The following DPP10 variants were observed in gnomAD, a reference collection of about 807,000 sequenced individuals.
DPP10 encodes inactive dipeptidyl peptidase 10.
DPP10 carries 33 observed loss-of-function variants against 120.9 expected under a neutral mutation model. The ratio of observed to expected loss-of-function variants is 0.27; its 90% CI spans 0.21 to 0.37. The LOEUF is 0.37. Among genes scored for constraint, DPP10 ranks in the 10% least tolerant of loss-of-function variants. The pLI is 1.00. For synonymous variants in DPP10, 337 were observed against 326.1 expected (o/e 1.03, Z -0.36); for missense variants, 816 against 942.8 (o/e 0.87, Z 1.76).
intron 8 of DPP10, among the ~76,000 whole-genome samples, chr2:115,730,420 A>C (rs1439901100): frequency 6.6e-6 from 1 of 152,150 alleles, no homozygotes; most frequent in Non-Finnish European, 1.5e-5. Context: ...AGTGGGTTTC[A>C]GGGAAGAGAA....
intron 21 of DPP10, among the ~76,000 whole-genome samples, chr2:115,817,358 C>G (rs1344621347): frequency 6.6e-6 from 1 of 152,152 alleles, no homozygotes; most frequent in Non-Finnish European, 1.5e-5. Context: ...ATATTTTCTA[C>G]TATTCATAAG....
At chr2:114,645,640 T>C (rs1185257343) in intron 1 of DPP10, among the ~76,000 whole-genome samples, 1 of 152,178 alleles carries the variant, frequency 6.6e-6, no homozygotes, top group Non-Finnish European at 1.5e-5. Flanking sequence ...GTCTACAGCA[T>C]GAGGAATTGA....
chr2:114,571,531 G>A (rs1356077014), intron 1 of DPP10, among the ~76,000 whole-genome samples: 1 of 151,956 alleles, frequency 6.6e-6, no homozygotes, highest in Non-Finnish European at 1.5e-5. Flanking sequence ...TTTAACATAC[G>A]TGTAATGCCA....
At chr2:115,315,307 G>A (rs1050202059) in intron 2 of DPP10, among the ~76,000 whole-genome samples, 1 of 151,362 alleles carries the variant, frequency 6.6e-6, no homozygotes, top group African/African-American at 2.4e-5. Flanking sequence ...ACATCTATAT[G>A]TAAAACTCAT....
At chr2:114,690,694 A>G (rs1409345860) in intron 1 of DPP10, among the ~76,000 whole-genome samples, 1 of 152,132 alleles carries the variant, frequency 6.6e-6, no homozygotes, top group Non-Finnish European at 1.5e-5. Context: ...TTTTCACAGT[A>G]TTGATTCTTC....
At chr2:115,507,034 G>A (rs13009581) in intron 4 of DPP10, among the ~76,000 whole-genome samples, 61,221 of 148,806 alleles carry the variant, frequency 0.41, 13,003 homozygotes, top group East Asian at 0.65. Context: ...ACACGCACGC[G>A]CACACACACA....
chr2:114,522,209 C>T (rs912307463), intron 1 of DPP10, among the ~76,000 whole-genome samples: 1 of 151,548 alleles, frequency 6.6e-6, no homozygotes, highest in African/African-American at 2.4e-5. Flanking sequence ...TGGTCTCGAT[C>T]TCCTGACCTC....
At chr2:114,502,088 A>G (rs1188067740) in intron 1 of DPP10, among the ~76,000 whole-genome samples, 1 of 151,680 alleles carries the variant, frequency 6.6e-6, no homozygotes, top group Non-Finnish European at 1.5e-5. Flanking sequence ...GGCACGCACC[A>G]CCACGCTCAG....
intron 12 of DPP10, among the ~76,000 whole-genome samples, chr2:115,765,459 A>G (rs774926512): frequency 6.6e-6 from 1 of 152,172 alleles, no homozygotes; most frequent in African/African-American, 2.4e-5. Context: ...AGCTAAACAG[A>G]TAACATTTAA....
chr2:115,749,589 A>G (rs1164486682), intron 10 of DPP10, among the ~76,000 whole-genome samples: 1 of 152,156 alleles, frequency 6.6e-6, no homozygotes, highest in Non-Finnish European at 1.5e-5. Context: ...AAGAAAATCT[A>G]ATTAATAAAT....
At chr2:114,907,829 A>G (rs1219193522) in intron 1 of DPP10, among the ~76,000 whole-genome samples, 1 of 152,024 alleles carries the variant, frequency 6.6e-6, no homozygotes, top group African/African-American at 2.4e-5. Flanking sequence ...TGTTGTTCAA[A>G]CATGTATTTT....
chr2:115,042,008 C>CTTTTTTTT (rs5833573), intron 1 of DPP10, among the ~76,000 whole-genome samples: 11 of 80,308 alleles, frequency 1.4e-4, no homozygotes, highest in Non-Finnish European at 1.9e-4. Context: ...TCTATCTTAT[C>CTTTTTTTT]TTTTTTTTTT....
chr2:114,968,643 T>G (rs1284451196), intron 1 of DPP10, among the ~76,000 whole-genome samples: 3 of 152,218 alleles, frequency 2.0e-5, no homozygotes, highest in Non-Finnish European at 4.4e-5. Flanking sequence ...AATCTGTTTA[T>G]AAAGTCTATT....
intron 5 of DPP10, chr2:115,579,454 A>G (rs909518435): frequency 5.3e-5 from 8 of 152,292 alleles, no homozygotes; most frequent in East Asian, 1.9e-4. Flanking sequence ...GATTAACCCA[A>G]TTGGGTCTCT....
At chr2:114,777,773 G>A (rs1189774321) in intron 1 of DPP10, among the ~76,000 whole-genome samples, 1 of 152,024 alleles carries the variant, frequency 6.6e-6, no homozygotes, top group African/African-American at 2.4e-5. Context: ...TGGCTATATG[G>A]TAATGACATC....
At chr2:115,304,607 G>C (rs1021207371) in intron 1 of DPP10, among the ~76,000 whole-genome samples, 3 of 151,814 alleles carry the variant, frequency 2.0e-5, no homozygotes, top group African/African-American at 7.3e-5. Context: ...AATATAGATG[G>C]ATTATATTTC....
intron 11 of DPP10, among the ~76,000 whole-genome samples, chr2:115,760,218 A>C (rs570350327): frequency 1.5e-4 from 23 of 152,206 alleles, no homozygotes; most frequent in Non-Finnish European, 2.9e-4. Context: ...TTATCTACAC[A>C]ATGGAATTCT....
At chr2:115,422,867 C>T (rs1170959089) in intron 3 of DPP10, among the ~76,000 whole-genome samples, 2 of 152,190 alleles carry the variant, frequency 1.3e-5, no homozygotes, top group East Asian at 1.9e-4. Context: ...AAGGGATTCA[C>T]ATTCGAAGGG....
intron 1 of DPP10, among the ~76,000 whole-genome samples, chr2:114,927,632 G>A (rs955993501): frequency 2.0e-5 from 3 of 152,172 alleles, no homozygotes; most frequent in Non-Finnish European, 4.4e-5. Flanking sequence ...TAGAATGGGA[G>A]GCAGATTTGC....
Sources: gnomAD v4.1 joint callset for allele counts (sites outside exome capture counted in the v4.1 genomes callset) on GRCh38, gnomAD v4.1.1 for gene constraint, MANE v1.5 for transcripts, NCBI Gene and HGNC (gene_info 2026-07-23, HGNC 2026-07-21) for gene names.